The following SLC18A1 variants were observed in gnomAD, a reference collection of about 807,000 sequenced individuals.
SLC18A1 encodes the protein solute carrier family 18 member A1, also known as chromaffin granule amine transporter.
In SLC18A1, 69 loss-of-function variants were observed where a neutral mutation model predicts 53.7. That is an observed-to-expected ratio of 1.28 (90% CI 1.06 to 1.57). The LOEUF is 1.57. Among genes scored for constraint, SLC18A1 ranks in the 40% most tolerant of loss-of-function variants. SLC18A1 has a pLI of 0.00. For synonymous variants in SLC18A1, 320 were observed against 248.1 expected (o/e 1.29, Z -2.72); for missense variants, 932 against 668.1 (o/e 1.40, Z -4.35).
intron 10 of SLC18A1, among the ~76,000 whole-genome samples, chr8:20,151,772 A>G (rs2128869035): frequency 6.6e-6 from 1 of 152,276 alleles, no homozygotes; most frequent in African/African-American, 2.4e-5. Flanking sequence ...TGGACAATTT[A>G]CTTAACCTGT....
chr8:20,148,432 G>A, intron 12 of SLC18A1: 9 of 1,288,658 alleles, frequency 7.0e-6, no homozygotes, highest in Non-Finnish European at 8.1e-6. Flanking sequence ...TACACTCCTG[G>A]TCTCATTCTT....
intron 10 of SLC18A1, among the ~76,000 whole-genome samples, chr8:20,155,917 G>C (rs2071671264): frequency 6.6e-6 from 1 of 152,184 alleles, no homozygotes; most frequent in Non-Finnish European, 1.5e-5. Context: ...CCTTGCAAGG[G>C]CCACAAGTTT....
intron 3 of SLC18A1, 119 bp downstream of exon 3, chr8:20,179,002 C>A (rs1480115109): frequency 2.5e-6 from 3 of 1,220,528 alleles, no homozygotes; most frequent in African/African-American, 3.1e-5. Context: ...GAATAGCTGA[C>A]TCCCCTGAGG....
chr8:20,148,966 C>T (rs1395936733), intron 12 of SLC18A1, among the ~76,000 whole-genome samples: 1 of 152,128 alleles, frequency 6.6e-6, no homozygotes, highest in Non-Finnish European at 1.5e-5. Context: ...ATGAAGTAAC[C>T]TGCTCAAAGT....
At position 20,183,100 on chromosome 8, in the gene SLC18A1, A is replaced by G. The variant is rs1370021690; in HGVS notation, c.-161T>C. The G allele has an allele frequency of 1.3e-5, 2 of 152,204 alleles. No individual in the cohort carries two copies. The highest frequency in any genetic ancestry group is 4.8e-5 in the African/African-American group (2 of 41,456). The allele number at this position is 152,204 out of a possible 1,614,324, so 9.4% of individuals were successfully genotyped here. A position where few individuals can be genotyped will look rare whatever the true frequency, so the allele number is the denominator to read the frequency against. On this transcript the variant is annotated 5_prime_UTR_variant, in exon 1 of 16. Transcript: ENST00000276373. ...GTTGGTGTGAGGCACTCAGTGAGGT[A>G]TTGGCAGCTGTTAGCAAGACAGCAG...
At chr8:20,147,195 A>T (rs2071421953) in intron 15 of SLC18A1, 63 bp downstream of exon 15, 2 of 1,537,484 alleles carry the variant, frequency 1.3e-6, no homozygotes, top group South Asian at 2.6e-5. Flanking sequence ...GATGAAAGGG[A>T]ATGAGAGAGA....
intron 10 of SLC18A1, among the ~76,000 whole-genome samples, chr8:20,151,998 G>A (rs1405599537): frequency 6.6e-6 from 1 of 152,216 alleles, no homozygotes; most frequent in Non-Finnish European, 1.5e-5. Flanking sequence ...TTATGTGCAT[G>A]AAATTTAATG....
At chr8:20,161,094 C>G (rs1318035662) in intron 10 of SLC18A1, among the ~76,000 whole-genome samples, 2 of 152,156 alleles carry the variant, frequency 1.3e-5, no homozygotes, top group Admixed American at 6.5e-5. Flanking sequence ...AAATTCATGT[C>G]CTTGTCACAA....
rs746894017 is a variant in SLC18A1 at position 20,179,097 on chromosome 8, G to A, written c.488+24C>T. The A allele has an allele frequency of 2.5e-5, 40 of 1,595,962 alleles. No homozygotes were observed. The South Asian group carries it at 3.3e-4, about 13-fold the overall frequency. On this transcript the variant is annotated intron_variant, in intron 3 of 15. Transcript: ENST00000276373. ...GTCCTCCTACTCCTGTGTACCCTGC[G>A]GGGCACTGCACCCAGTGAGATACCT...
At chr8:20,179,600 T>C (rs2072364327) in intron 2 of SLC18A1, 116 bp from the exon 3 acceptor site, 4 of 1,354,174 alleles carry the variant, frequency 3.0e-6, no homozygotes, top group Non-Finnish European at 4.0e-6. Context: ...GGACAGGTGA[T>C]GGGGGCTAAG....
At chr8:20,150,126 A>G (rs898974468) in intron 11 of SLC18A1, among the ~76,000 whole-genome samples, 1 of 152,226 alleles carries the variant, frequency 6.6e-6, no homozygotes, top group Admixed American at 6.5e-5. Flanking sequence ...CACAGAAAGT[A>G]CCAAACTTCT....
intron 2 of SLC18A1, among the ~76,000 whole-genome samples, 161 bp from the exon 3 acceptor site, chr8:20,179,645 G>C (rs1480213137): frequency 6.6e-6 from 1 of 152,196 alleles, no homozygotes; most frequent in African/African-American, 2.4e-5. Flanking sequence ...AGGATCAGGG[G>C]ACTATGATGA....
At chr8:20,158,297 G>T (rs934193693) in intron 10 of SLC18A1, among the ~76,000 whole-genome samples, 8 of 152,172 alleles carry the variant, frequency 5.3e-5, no homozygotes, top group African/African-American at 1.7e-4. Context: ...CCACTAAGTT[G>T]TGACTGGAGA....
chr8:20,147,131 G>A (rs1032334539), intron 15 of SLC18A1, 127 bp downstream of exon 15: 1 of 1,005,114 alleles, frequency 9.9e-7, no homozygotes, highest in Non-Finnish European at 1.4e-6. Context: ...TGGGAAACAT[G>A]GCAAAGCAGA....
chr8:20,148,633 G>A (rs1389057285), intron 12 of SLC18A1: 1 of 447,368 alleles, frequency 2.2e-6, no homozygotes. Context: ...CATTCCCATT[G>A]CCCTCCCAAT....
rs2071529682 is a variant in SLC18A1, at chr8:20,150,683, C to T, written c.1077G>A (p.Leu359=). 1 of 1,613,992 alleles carries T rather than the reference C, an allele frequency of 6.2e-7. No individual in the cohort carries two copies. The highest frequency in any genetic ancestry group is 8.5e-7 in the Non-Finnish European group (1 of 1,180,016). Residue 359 remains leucine, a synonymous_variant, in exon 11 of 16, where the codon TTG becomes TTA. Coordinates refer to ENST00000276373, the MANE Select transcript of SLC18A1 (RefSeq NM_003053.4). The part of the protein sequence containing the change: ...YLIGTNLFGV[L]ANKMGRWLCS... ...CTACATACCGACCCATCTTGTTGGC[C>T]AACACACCAAAGAGGTTGGTGCCAA...
intron 10 of SLC18A1, among the ~76,000 whole-genome samples, chr8:20,157,110 A>G (rs1338305297): frequency 6.6e-6 from 1 of 152,204 alleles, no homozygotes. Context: ...CTGGAAAGGA[A>G]TAAGCATTAG....
chr8:20,150,419 G>GTA (rs1563723835), intron 11 of SLC18A1, among the ~76,000 whole-genome samples: 2 of 152,206 alleles, frequency 1.3e-5, no homozygotes, highest in African/African-American at 4.8e-5. Flanking sequence ...TGGATGGAAA[G>GTA]TAAGGGGTGC....
intron 11 of SLC18A1, 108 bp from the exon 12 acceptor site, chr8:20,149,835 C>A: frequency 1.0e-6 from 1 of 968,554 alleles, no homozygotes; most frequent in South Asian, 1.4e-5. Context: ...CCCAGCAACC[C>A]CTTAGGACCT....
Sources: allele counts gnomAD v4.1 joint callset (sites outside exome capture counted in the v4.1 genomes callset), GRCh38; gene constraint gnomAD v4.1.1; transcripts MANE v1.5; gene names NCBI Gene and HGNC (gene_info 2026-07-23, HGNC 2026-07-21).